The following MLLT10 variants were observed in gnomAD, a reference collection of about 807,000 sequenced individuals.
The protein encoded by MLLT10 is MLLT10 histone lysine methyltransferase DOT1L cofactor.
MLLT10 carries 30 observed loss-of-function variants against 129.1 expected under a neutral mutation model. That is an observed-to-expected ratio of 0.23 (90% CI 0.17 to 0.32). The LOEUF (loss-of-function observed/expected upper bound fraction) is 0.32. MLLT10 is among the 10% of genes least tolerant of loss of function. The probability of loss-of-function intolerance (pLI) is 1.00; values close to 1 mark genes in which losing one functional copy is unlikely to be tolerated. For synonymous variants in MLLT10, 490 were observed against 446.4 expected (o/e 1.10, Z -1.23); for missense variants, 1,119 against 1,268.3 (o/e 0.88, Z 1.79).
At position 21,734,559 on chromosome 10, in the gene MLLT10, C is replaced by G. The variant is rs186040667; in HGVS notation, c.2858+430C>G. Among the ~76,000 whole-genome samples the G allele has an allele frequency of 6.6e-5, 10 of 152,282 alleles. No individual in the cohort carries two copies. The East Asian group carries it at 7.7e-4, about 12-fold the overall frequency. On this transcript the variant is annotated intron_variant, in intron 20 of 22. Coordinates refer to ENST00000307729, the MANE Select transcript of MLLT10 (RefSeq NM_001195626.3). ...CTGAATTCCCAGGAAGTGAGACTCA[C>G]TGGTTTCATTGTACTGGAACTGCAT... is the stretch of plus-strand genomic sequence containing the variant.
intron 4 of MLLT10, among the ~76,000 whole-genome samples, chr10:21,592,537 G>A (rs900370433): frequency 1.3e-5 from 2 of 151,716 alleles, no homozygotes; most frequent in African/African-American, 4.8e-5. Context: ...CTCACTGCAG[G>A]CTCCACCCCC....
intron 13 of MLLT10, among the ~76,000 whole-genome samples, chr10:21,692,321 ATATT>A (rs1459113317): frequency 2.0e-5 from 3 of 150,620 alleles, no homozygotes; most frequent in Admixed American, 2.0e-4. Flanking sequence ...CACAATGGTT[ATATT>A]ATTATTATTA....
intron 13 of MLLT10, among the ~76,000 whole-genome samples, chr10:21,700,641 T>C (rs984656714): frequency 5.3e-5 from 8 of 152,274 alleles, no homozygotes; most frequent in East Asian, 3.9e-4. Flanking sequence ...CTTTATTCTA[T>C]TGATGTGATA....
intron 5 of MLLT10, among the ~76,000 whole-genome samples, chr10:21,608,788 T>G (rs899495998): frequency 1.3e-5 from 2 of 152,156 alleles, no homozygotes. Flanking sequence ...TAAATCAGCT[T>G]TTGAGTCTTT....
At chr10:21,536,731 CTAA>C (rs2034091155) in intron 2 of MLLT10, among the ~76,000 whole-genome samples, 1 of 151,928 alleles carries the variant, frequency 6.6e-6, no homozygotes, top group Non-Finnish European at 1.5e-5. Context: ...CCATGTCGGG[CTAA>C]TTTTGTATTT....
intron 8 of MLLT10, among the ~76,000 whole-genome samples, chr10:21,626,961 C>T (rs1305482590): frequency 6.6e-6 from 1 of 152,070 alleles, no homozygotes; most frequent in East Asian, 1.9e-4. Context: ...TAAGAAGAGG[C>T]TAGTTTATGA....
intron 22 of MLLT10, 44 bp from the exon 23 acceptor site, chr10:21,741,895 A>G (rs1833701717): frequency 6.3e-7 from 1 of 1,587,652 alleles, no homozygotes; most frequent in Non-Finnish European, 8.6e-7. Flanking sequence ...AATATTATCA[A>G]AAGTTGATTT....
rs567217745 is a variant in MLLT10 at position 21,636,989 on chromosome 10, A to G, written c.700-14684A>G. On this transcript the variant is annotated intron_variant, in intron 8 of 22. Coordinates refer to ENST00000307729, the MANE Select transcript of MLLT10 (RefSeq NM_001195626.3). Reference sequence around the variant, plus strand: ...CATTACTTTTTTCTTCCTTCCTCATAAGGCCTTAGTGGGTGTGGCGTTCAG... The same window carrying G: ...CATTACTTTTTTCTTCCTTCCTCATGAGGCCTTAGTGGGTGTGGCGTTCAG... 2.6e-5 allele frequency among the ~76,000 whole-genome samples: 4 copies of G among 152,258 alleles called. No individual in the cohort carries two copies. In the South Asian group the frequency reaches 8.3e-4, roughly 32 times the overall value.
intron 9 of MLLT10, among the ~76,000 whole-genome samples, chr10:21,660,580 C>T (rs2050078597): frequency 1.4e-5 from 2 of 140,230 alleles, no homozygotes; most frequent in Admixed American, 7.3e-5. Context: ...CTCACCACTG[C>T]ACTCCAGCGC....
chr10:21,588,967 G>T (rs1409471879), intron 4 of MLLT10, among the ~76,000 whole-genome samples: 1 of 151,698 alleles, frequency 6.6e-6, no homozygotes, highest in Non-Finnish European at 1.5e-5. Context: ...GGGATTATAG[G>T]CACACACCAC....
At chr10:21,602,886 C>T (rs770677599) in intron 5 of MLLT10, among the ~76,000 whole-genome samples, 9 of 149,640 alleles carry the variant, frequency 6.0e-5, no homozygotes, top group South Asian at 2.1e-4. Context: ...CCCTCCACCA[C>T]GCCCGGCTAA....
At chr10:21,559,123 G>C (rs1489840896) in intron 3 of MLLT10, among the ~76,000 whole-genome samples, 1 of 152,104 alleles carries the variant, frequency 6.6e-6, no homozygotes, top group Non-Finnish European at 1.5e-5. Context: ...TTGCTGTGTC[G>C]CCCAGGCTGG....
Position 21,586,359 on chromosome 10 carries a change from A to C in MLLT10, c.295+11A>C. The C allele has an allele frequency of 6.4e-7, 1 of 1,570,188 alleles. No individual in the cohort carries two copies. The highest frequency in any genetic ancestry group is 2.3e-5 in the East Asian group (1 of 44,124). The stretch of plus-strand genomic sequence containing the variant: ...GAACAGATAATGGGGGTAAGTGCAG[A>C]GATTTCTTGAAAAAAATTTTATTGA... On this transcript the variant is annotated intron_variant, in intron 4 of 22. Coordinates refer to ENST00000307729, the MANE Select transcript of MLLT10 (RefSeq NM_001195626.3).
At chr10:21,569,236 G>C (rs1007838093) in intron 3 of MLLT10, among the ~76,000 whole-genome samples, 1 of 152,052 alleles carries the variant, frequency 6.6e-6, no homozygotes, top group Non-Finnish European at 1.5e-5. Context: ...CTGATTTTCT[G>C]TCTGCTGGTC....
chr10:21,732,127 G>C (rs1042613490), intron 17 of MLLT10, among the ~76,000 whole-genome samples: 3 of 152,304 alleles, frequency 2.0e-5, no homozygotes, highest in Admixed American at 2.0e-4. Context: ...GTCTGTACCA[G>C]AGGAGTTGTA....
intron 13 of MLLT10, among the ~76,000 whole-genome samples, chr10:21,704,009 G>GT (rs1374584060): frequency 7.5e-4 from 37 of 49,286 alleles, no homozygotes; most frequent in East Asian, 6.6e-3. Flanking sequence ...GATTTCGATT[G>GT]TTTTTTGTTT....
intron 8 of MLLT10, among the ~76,000 whole-genome samples, chr10:21,639,456 C>T (rs1014807396): frequency 6.6e-6 from 1 of 152,152 alleles, no homozygotes; most frequent in African/African-American, 2.4e-5. Flanking sequence ...GAGTGGCTCA[C>T]AGAACTGAGG....
chr10:21,625,384 A>G, intron 8 of MLLT10: 1 of 795,080 alleles, frequency 1.3e-6, no homozygotes, highest in South Asian at 1.5e-5. Context: ...CAAATTCAGA[A>G]AATGACTTTT....
chr10:21,677,863 A>G (rs757068294), intron 11 of MLLT10, among the ~76,000 whole-genome samples: 2 of 152,228 alleles, frequency 1.3e-5, no homozygotes, highest in Non-Finnish European at 2.9e-5. Context: ...AACATTCACT[A>G]TAATACTAAC....
Sources: allele counts gnomAD v4.1 joint callset (sites outside exome capture counted in the v4.1 genomes callset), GRCh38; gene constraint gnomAD v4.1.1; transcripts MANE v1.5; gene names NCBI Gene and HGNC (gene_info 2026-07-23, HGNC 2026-07-21).